NAALADL2: variants seen among roughly 807,000 people sequenced by gnomAD.
NAALADL2 encodes inactive N-acetylated-alpha-linked acidic dipeptidase-like protein 2.
A neutral mutation model predicts 87.2 loss-of-function variants in NAALADL2; 76 were observed. That is an observed-to-expected ratio of 0.87 (90% confidence interval 0.72 to 1.05). The LOEUF (loss-of-function observed/expected upper bound fraction) is 1.05, where lower values mean the gene tolerates loss of function less well. Ranked by LOEUF, NAALADL2 falls within the 50% of genes least tolerant of loss-of-function variation. The pLI is 0.00. For missense variants in NAALADL2, 1,089 were observed against 945.8 expected (o/e 1.15, Z -1.99); for synonymous variants, 354 against 331.0 (o/e 1.07, Z -0.75).
rs79447873 is a variant in NAALADL2 at position 175,634,838 on chromosome 3, C to T, written c.1896+7452C>T. Among the ~76,000 whole-genome samples, 1,084 of 151,672 alleles carry T rather than the reference C, an allele frequency of 7.1e-3. 10 individuals carry two copies. The highest frequency in any genetic ancestry group is 0.024 in the African/African-American group (996 of 41,436). On this transcript the variant is annotated intron_variant, in intron 11 of 13. Transcript: ENST00000454872. Reference sequence around the variant, plus strand: ...CTTTTAAAAAAATTCAATTTTTTTCCGCTATATCAAATTATTGTTACTAGA... The same window carrying T: ...CTTTTAAAAAAATTCAATTTTTTTCTGCTATATCAAATTATTGTTACTAGA...
At chr3:175,509,528 T>G (rs1239855940) in intron 9 of NAALADL2, among the ~76,000 whole-genome samples, 2 of 152,240 alleles carry the variant, frequency 1.3e-5, no homozygotes, top group African/African-American at 2.4e-5. Context: ...TTGTGTATAT[T>G]ATAAACAGCT....
rs35198621 is a variant in NAALADL2 at position 175,327,148 on chromosome 3, C to CTTTTTTTTTTTTTTT, written c.1090+2832_1090+2846dup. Among the ~76,000 whole-genome samples, 11 of 99,502 alleles carry CTTTTTTTTTTTTTTT rather than the reference C, an allele frequency of 1.1e-4. 1 individual carries two copies. The highest frequency in any genetic ancestry group is 2.9e-4 in the African/African-American group (7 of 23,804). The allele number at this position is 99,502 out of a possible 152,430, so 65.3% of individuals were successfully genotyped here. A position where few individuals can be genotyped will look rare whatever the true frequency, so the allele number is the denominator to read the frequency against. On this transcript the variant is annotated intron_variant, in intron 5 of 13. Transcript: ENST00000454872. Reference sequence around the variant, plus strand: ...CCAGCTTTATCAACTGTCTACATTTCTTTTTTTTTTTTTTTTTTTTTTTCT... The same window carrying CTTTTTTTTTTTTTTT: ...CCAGCTTTATCAACTGTCTACATTTCTTTTTTTTTTTTTTTTTTTTTTTTTTTTTTTTTTTTTTCT...
intron 1 of NAALADL2, among the ~76,000 whole-genome samples, chr3:174,887,835 T>TC (rs1275512415): frequency 1.3e-5 from 2 of 151,870 alleles, no homozygotes; most frequent in African/African-American, 4.8e-5. Flanking sequence ...TTTTTTTTTT[T>TC]ACATGTGGAT....
intron 2 of NAALADL2, among the ~76,000 whole-genome samples, chr3:174,713,203 T>C (rs890791409): frequency 6.6e-6 from 1 of 152,242 alleles, no homozygotes; most frequent in Non-Finnish European, 1.5e-5. Context: ...CAGTCTATCA[T>C]TGACGGACAT....
At chr3:175,294,463 C>T (rs987768532) in intron 4 of NAALADL2, among the ~76,000 whole-genome samples, 5 of 152,060 alleles carry the variant, frequency 3.3e-5, no homozygotes, top group African/African-American at 1.2e-4. Context: ...TGAGAATTTA[C>T]AGTGTCCTAA....
At chr3:174,897,920 C>T (rs1177984698) in intron 1 of NAALADL2, among the ~76,000 whole-genome samples, 5 of 145,824 alleles carry the variant, frequency 3.4e-5, no homozygotes, top group Non-Finnish European at 5.9e-5. Context: ...GAGACCATCC[C>T]GGCTAAAACG....
At chr3:174,802,402 A>C (rs1016735256) in intron 3 of NAALADL2, among the ~76,000 whole-genome samples, 1 of 152,204 alleles carries the variant, frequency 6.6e-6, no homozygotes, top group Non-Finnish European at 1.5e-5. Context: ...AAAATTGCAT[A>C]TCATTCAAAA....
At chr3:174,973,550 G>A (rs1459638607) in intron 1 of NAALADL2, among the ~76,000 whole-genome samples, 2 of 152,160 alleles carry the variant, frequency 1.3e-5, no homozygotes, top group Non-Finnish European at 2.9e-5. Context: ...AGGAACAAAT[G>A]TTATTAAGTT....
chr3:175,397,582 G>T (rs1223166275), intron 5 of NAALADL2, among the ~76,000 whole-genome samples: 1 of 152,140 alleles, frequency 6.6e-6, no homozygotes, highest in Non-Finnish European at 1.5e-5. Context: ...CTTGTTGAAA[G>T]CAGGTTCAGT....
intron 5 of NAALADL2, among the ~76,000 whole-genome samples, chr3:175,414,727 A>G (rs777264925): frequency 1.1e-4 from 16 of 152,200 alleles, no homozygotes; most frequent in Admixed American, 2.0e-4. Context: ...AGACATATCA[A>G]AAGAGCAAAC....
At chr3:175,604,195 T>A (rs1723349270) in intron 10 of NAALADL2, among the ~76,000 whole-genome samples, 2 of 152,260 alleles carry the variant, frequency 1.3e-5, no homozygotes, top group Non-Finnish European at 1.5e-5. Flanking sequence ...TCCATAGCAT[T>A]GCCAAAACTT....
intron 2 of NAALADL2, among the ~76,000 whole-genome samples, chr3:174,729,615 A>G (rs1000283844): frequency 2.0e-5 from 3 of 152,058 alleles, no homozygotes; most frequent in Non-Finnish European, 4.4e-5. Context: ...GTAATTAAAT[A>G]TGATCCTAAC....
intron 10 of NAALADL2, among the ~76,000 whole-genome samples, chr3:175,590,425 T>C (rs566508878): frequency 3.6e-4 from 55 of 151,986 alleles, no homozygotes; most frequent in African/African-American, 1.3e-3. Flanking sequence ...TTAAATCTTC[T>C]TCCAGATGTA....
At chr3:175,294,088 C>A (rs1756003182) in intron 4 of NAALADL2, among the ~76,000 whole-genome samples, 1 of 152,088 alleles carries the variant, frequency 6.6e-6, no homozygotes, top group African/African-American at 2.4e-5. Context: ...GATCCAGGGA[C>A]ATAAAATTCT....
At chr3:174,493,778 A>G (rs184171183) in intron 1 of NAALADL2, among the ~76,000 whole-genome samples, 2 of 152,332 alleles carry the variant, frequency 1.3e-5, no homozygotes, top group East Asian at 3.9e-4. Context: ...TATGTTTATT[A>G]TGTATTAAGT....
intron 13 of NAALADL2, among the ~76,000 whole-genome samples, chr3:175,799,275 T>G (rs1442660080): frequency 6.6e-6 from 1 of 152,122 alleles, no homozygotes; most frequent in Non-Finnish European, 1.5e-5. Flanking sequence ...TTTTTAATTA[T>G]AGTAGTTTAT....
intron 2 of NAALADL2, among the ~76,000 whole-genome samples, chr3:175,166,746 A>T (rs1407935118): frequency 6.6e-6 from 1 of 152,012 alleles, no homozygotes; most frequent in Non-Finnish European, 1.5e-5. Flanking sequence ...TGTTCTCCTC[A>T]AATTTCAGGT....
chr3:175,194,193 TTTTAA>T (rs1420427300), intron 2 of NAALADL2, among the ~76,000 whole-genome samples: 2 of 152,028 alleles, frequency 1.3e-5, no homozygotes, highest in East Asian at 1.9e-4. Flanking sequence ...AAACTAAGAC[TTTTAA>T]TTAAATGATT....
intron 2 of NAALADL2, among the ~76,000 whole-genome samples, chr3:174,556,740 A>G (rs539671813): frequency 1.3e-5 from 2 of 152,036 alleles, no homozygotes; most frequent in Non-Finnish European, 2.9e-5. Context: ...AGATTTTAAA[A>G]TACATTTTTT....
Sources: allele counts gnomAD v4.1 joint callset (sites outside exome capture counted in the v4.1 genomes callset), GRCh38; gene constraint gnomAD v4.1.1; transcripts MANE v1.5; gene names NCBI Gene and HGNC (gene_info 2026-07-23, HGNC 2026-07-21).